PDXP: variants seen among roughly 807,000 people sequenced by gnomAD.
The protein encoded by PDXP is pyridoxal phosphatase, also known as chronophin.
A neutral mutation model predicts 14.4 loss-of-function variants in PDXP; 15 were observed. The observed-to-expected ratio is 1.04, with a 90% CI of 0.70 to 1.60. PDXP has a LOEUF of 1.60. Ranked by LOEUF, PDXP falls within the 40% of genes most tolerant of loss-of-function variation. The probability of loss-of-function intolerance (pLI) is 0.00; values close to 1 mark genes in which losing one functional copy is unlikely to be tolerated. For synonymous variants in PDXP, 233 were observed against 205.6 expected, an observed-to-expected ratio of 1.13 and a Z score of -1.14; for missense variants, 413 against 427.6, an observed-to-expected ratio of 0.97 and a Z score of 0.30.
In PDXP at chr22:37,658,947, GTT is replaced by G. The variant is rs1933139325; in HGVS notation, c.167_168del (p.Phe56CysfsTer123). On this transcript the variant is annotated frameshift_variant, in exon 1 of 2. Coordinates refer to ENST00000215904, the MANE Select transcript of PDXP (RefSeq NM_020315.5). LOFTEE classifies it high-confidence loss of function. ...TGGCGCGGGCCGGCAAGGCGGCTCT[GTT>G]TGTGAGCAACAACAGCCGGCGCGCG... ...RLARAGKAAL[F>X]VSNNSRRARP... The G allele has an allele frequency of 8.2e-7, 1 of 1,216,004 alleles. No homozygotes were observed. Among genetic ancestry groups the G allele is most frequent in the Non-Finnish European group, 1.0e-6 (1 of 975,182 alleles). 75.3% of individuals were successfully genotyped at this position (1,216,004 alleles called of 1,614,324 possible). A position where few individuals can be genotyped will look rare whatever the true frequency, so the allele number is the denominator to read the frequency against.
chr22:37,661,888 G>A (rs948176773), intron 1 of PDXP, among the ~76,000 whole-genome samples: 3 of 147,054 alleles, frequency 2.0e-5, no homozygotes, highest in Non-Finnish European at 4.5e-5. Context: ...AACGGAGCAC[G>A]TGGCTTTTAT....
Position 37,659,018 on chromosome 22 carries a change from G to A in PDXP, c.236G>A (p.Gly79Glu), listed in dbSNP as rs765079341. The A allele has an allele frequency of 1.3e-5, 15 of 1,184,806 alleles. No individual in the cohort carries two copies. Among genetic ancestry groups the A allele is most frequent in the African/African-American group, 3.2e-5 (2 of 61,550 alleles). 73.4% of individuals were successfully genotyped at this position (1,184,806 alleles called of 1,614,324 possible). Residue 79 changes from glycine (G) to glutamate (E), a missense_variant, in exon 1 of 2, where the codon GGG (glycine) becomes GAG (glutamate). Transcript: ENST00000215904. ...CGCTTCGCGCGCCTCGGCTTCGGGG[G>A]GCTGCGCGCCGAGCAGCTCTTCAGC... is the stretch of plus-strand genomic sequence containing the variant. ...ALRFARLGFG[G>E]LRAEQLFSSA...
intron 1 of PDXP, among the ~76,000 whole-genome samples, chr22:37,663,806 C>T (rs1431343559): frequency 1.3e-5 from 2 of 151,640 alleles, no homozygotes; most frequent in South Asian, 2.1e-4. Context: ...GACCGGATGT[C>T]GGTGTTACAG....
At position 37,659,060 on chromosome 22, in the gene PDXP, C is replaced by G. The variant is rs998109411; in HGVS notation, c.278C>G (p.Ala93Gly). ...EQLFSSALCA[A>G]RLLRQRLPGP... ...CTCTTCAGCTCCGCGCTGTGCGCCG[C>G]GCGCCTGCTGCGCCAGCGCCTGCCC... The change falls in exon 1 of 2, where the codon GCG becomes GGG. Residue 93 changes from alanine (A) to glycine (G), a missense_variant. Ala to Gly is a moderately conservative substitution (Grantham distance 60). Transcript: ENST00000215904. 4.9e-5 allele frequency: 55 copies of G among 1,123,452 alleles called. 2 individuals are homozygous for G. Among genetic ancestry groups the G allele is most frequent in the Non-Finnish European group, 5.4e-6 (5 of 919,256 alleles). The allele number at this position is 1,123,452 out of a possible 1,614,324, so 69.6% of individuals were successfully genotyped here.
chr22:37,659,229 C>T lies in PDXP; in HGVS notation c.447C>T (p.Gly149=). 1 of 1,316,236 alleles carries T rather than the reference C, an allele frequency of 7.6e-7. No homozygotes were observed. Among genetic ancestry groups the T allele is most frequent in the East Asian group, 2.8e-5 (1 of 35,652 alleles). The allele number at this position is 1,316,236 out of a possible 1,614,324, so 81.5% of individuals were successfully genotyped here. Residue 149 remains glycine (G), a synonymous_variant, in exon 1 of 2, where the codon GGC becomes GGT. Transcript: ENST00000215904. ...CGCGCGTGCGCGCCGTGCTTGTGGG[C>T]TACGACGAGCACTTCTCCTTCGCCA... ...AAPRVRAVLV[G]YDEHFSFAKL...
At position 37,666,118 on chromosome 22, in the gene PDXP, C is replaced by A; in HGVS notation, c.*247C>A. ...TCTTGGCCTGACCCAGCCAGGTGGC[C>A]TTATTTCTTCCCTGTCACCTCCCCT... On this transcript the variant is annotated 3_prime_UTR_variant, in exon 2 of 2. Transcript: ENST00000215904. The A allele has an allele frequency of 1.8e-6, 1 of 569,254 alleles. No individual in the cohort carries two copies. Among genetic ancestry groups the A allele is most frequent in the Non-Finnish European group, 3.2e-6 (1 of 311,784 alleles). 35.3% of individuals were successfully genotyped at this position (569,254 alleles called of 1,614,324 possible).
rs141170466 is a variant in PDXP, at chr22:37,663,396, C to T, written c.575-2159C>T. Among the ~76,000 whole-genome samples the T allele has an allele frequency of 5.0e-3, 765 of 151,820 alleles. 10 individuals carry two copies. Among genetic ancestry groups the T allele is most frequent in the African/African-American group, 0.018 (742 of 41,380 alleles). Reference sequence around the variant, plus strand: ...CTCTGTCACCCAGGCTGAAGTGCAGCGGCAAGATCACAGCTCACTTTAATC... The same window carrying T: ...CTCTGTCACCCAGGCTGAAGTGCAGTGGCAAGATCACAGCTCACTTTAATC... On this transcript the variant is annotated intron_variant, in intron 1 of 1. Transcript: ENST00000215904.
At chr22:37,661,279 C>T (rs1052658552) in intron 1 of PDXP, among the ~76,000 whole-genome samples, 1 of 151,270 alleles carries the variant, frequency 6.6e-6, no homozygotes, top group African/African-American at 2.4e-5. Context: ...AGAGGCTTAA[C>T]AAATACAGCA....
intron 1 of PDXP, among the ~76,000 whole-genome samples, chr22:37,661,917 A>ATTTTTTTTTTTTTTTTTTTTTTTTTT (rs763030330): frequency 1.4e-5 from 1 of 71,190 alleles, no homozygotes; most frequent in Admixed American, 1.6e-4. Flanking sequence ...TTTTTCTTTA[A>ATTTTTTTTTTTTTTTTTTTTTTTTTT]TTTTTTTTTT....
rs905811927 is a variant in PDXP at position 37,666,423 on chromosome 22, C to T, written c.*552C>T. ...TTTCACGTCCTGGAGCCCGAGTGGA[C>T]CAATCGGAAGCCTAAGTGACGATGA... On this transcript the variant is annotated 3_prime_UTR_variant, in exon 2 of 2. Coordinates refer to ENST00000215904, the MANE Select transcript of PDXP (RefSeq NM_020315.5). 3.4e-5 allele frequency: 6 copies of T among 177,280 alleles called. No homozygotes were observed. Among genetic ancestry groups the T allele is most frequent in the African/African-American group, 1.4e-4 (6 of 41,552 alleles). 11.0% of individuals were successfully genotyped at this position (177,280 alleles called of 1,614,324 possible). A position where few individuals can be genotyped will look rare whatever the true frequency, so the allele number is the denominator to read the frequency against.
Position 37,658,959 on chromosome 22 carries a change from C to T in PDXP, c.177C>T (p.Asn59=). The T allele has an allele frequency of 3.3e-6, 4 of 1,209,086 alleles. No homozygotes were observed. The highest frequency in any genetic ancestry group is 3.1e-6 in the Non-Finnish European group (3 of 971,228). 74.9% of individuals were successfully genotyped at this position (1,209,086 alleles called of 1,614,324 possible). Residue 59 remains asparagine (N), a synonymous_variant, in exon 1 of 2, where the codon AAC becomes AAT. Transcript: ENST00000215904. ...GCAAGGCGGCTCTGTTTGTGAGCAA[C>T]AACAGCCGGCGCGCGCGGCCCGAGC... The part of the protein sequence containing the change: ...RAGKAALFVS[N]NSRRARPELA...
intron 1 of PDXP, among the ~76,000 whole-genome samples, chr22:37,664,448 G>T (rs1321102920): frequency 6.6e-6 from 1 of 152,116 alleles, no homozygotes; most frequent in East Asian, 1.9e-4. Flanking sequence ...TAAAATTCCT[G>T]CATAGGAAAC....
At chr22:37,660,264 C>T (rs1366788129) in intron 1 of PDXP, among the ~76,000 whole-genome samples, 4 of 152,104 alleles carry the variant, frequency 2.6e-5, no homozygotes, top group East Asian at 1.9e-4. Flanking sequence ...TATAGTGAGC[C>T]CCTCCACCTC....
intron 1 of PDXP, among the ~76,000 whole-genome samples, chr22:37,661,412 AAAT>A (rs1933200584): frequency 1.3e-5 from 2 of 151,444 alleles, no homozygotes; most frequent in Non-Finnish European, 3.0e-5. Flanking sequence ...TGTATGTCTG[AAAT>A]AATGCAAATA....
At position 37,665,571 on chromosome 22, in the gene PDXP, C is replaced by T. The variant is rs1921045206; in HGVS notation, c.591C>T (p.Ala197=). The change falls in exon 2 of 2, where the codon GCC becomes GCT. Residue 197 remains alanine, a synonymous_variant. Transcript: ENST00000215904. The part of the protein sequence containing the change: ...GSRTPGTGSL[A]AAVETASGRQ... The stretch of plus-strand genomic sequence containing the variant: ...TCCCTACAGGCACCGGGAGCCTGGC[C>T]GCTGCAGTGGAGACAGCCTCGGGAC... 2.5e-6 allele frequency: 4 copies of T among 1,608,234 alleles called. No homozygotes were observed. The highest frequency in any genetic ancestry group is 8.5e-7 in the Non-Finnish European group (1 of 1,178,324).
intron 1 of PDXP, 54 bp downstream of exon 1, chr22:37,659,410 T>C: frequency 8.2e-7 from 1 of 1,217,670 alleles, no homozygotes; most frequent in Non-Finnish European, 1.0e-6. Context: ...CGCATTCGCC[T>C]CCACGCCTAA....
intron 1 of PDXP, among the ~76,000 whole-genome samples, chr22:37,663,919 CTTTTTTT>C (rs11335821): frequency 1.0e-5 from 1 of 98,310 alleles, no homozygotes; most frequent in African/African-American, 4.5e-5. Context: ...AATACGTTGA[CTTTTTTT>C]TTTTTTTTTT....
At position 37,659,332 on chromosome 22, in the gene PDXP, C is replaced by T. The variant is rs779825688; in HGVS notation, c.550C>T (p.Leu184=). 1 of 1,302,606 alleles carries T rather than the reference C, an allele frequency of 7.7e-7. No homozygotes were observed. Among genetic ancestry groups the T allele is most frequent in the African/African-American group, 1.5e-5 (1 of 66,524 alleles). The allele number at this position is 1,302,606 out of a possible 1,614,324, so 80.7% of individuals were successfully genotyped here. A position where few individuals can be genotyped will look rare whatever the true frequency, so the allele number is the denominator to read the frequency against. The change falls in exon 1 of 2, where the codon CTG becomes TTG. Residue 184 remains leucine (L), a synonymous_variant. Coordinates refer to ENST00000215904, the MANE Select transcript of PDXP (RefSeq NM_020315.5). ...VATDRDPWHP[L]SDGSRTPGTG... Reference sequence around the variant, plus strand: ...CACCGACCGTGACCCATGGCACCCGCTGAGCGACGGCAGCCGGACCCCTGG... The same window carrying T: ...CACCGACCGTGACCCATGGCACCCGTTGAGCGACGGCAGCCGGACCCCTGG...
rs1933139882 is a variant in PDXP, at chr22:37,658,958, A to T, written c.176A>T (p.Asn59Ile). 1.7e-6 allele frequency: 2 copies of T among 1,209,356 alleles called. No individual in the cohort carries two copies. The highest frequency in any genetic ancestry group is 3.2e-5 in the African/African-American group (2 of 62,450). 74.9% of individuals were successfully genotyped at this position (1,209,356 alleles called of 1,614,324 possible). Residue 59 changes from asparagine (N) to isoleucine (I), a missense_variant, in exon 1 of 2, where the codon AAC (asparagine) becomes ATC (isoleucine). Physicochemically the swap from Asn to Ile is moderately radical, Grantham distance 149 (BLOSUM62 -3). Transcript: ENST00000215904. ...GGCAAGGCGGCTCTGTTTGTGAGCA[A>T]CAACAGCCGGCGCGCGCGGCCCGAG... ...RAGKAALFVS[N>I]NSRRARPELA...
Sources: gnomAD v4.1 joint callset for allele counts (sites outside exome capture counted in the v4.1 genomes callset) on GRCh38, gnomAD v4.1.1 for gene constraint, MANE v1.5 for transcripts, NCBI Gene and HGNC (gene_info 2026-07-23, HGNC 2026-07-21) for gene names.